Variants in GLRA2 observed in about 807,000 individuals in gnomAD.
GLRA2 encodes the protein glycine receptor alpha 2, also known as glycine receptor subunit alpha-2.
Under a neutral mutation model 31.6 loss-of-function variants are expected in GLRA2, and 11 were observed. The observed-to-expected ratio is 0.35, with a 90% CI of 0.22 to 0.58. The LOEUF is 0.58. Among genes scored for constraint, GLRA2 ranks in the 20% least tolerant of loss-of-function variants. The probability of loss-of-function intolerance (pLI) is 0.84; values close to 1 mark genes in which losing one functional copy is unlikely to be tolerated. For synonymous variants in GLRA2, 132 were observed against 134.0 expected (o/e 0.99, Z 0.10); for missense variants, 212 against 351.8 (o/e 0.60, Z 3.18).
At chrX:14,540,943 G>A (rs1186308474) in intron 2 of GLRA2, among the ~76,000 whole-genome samples, 2 of 108,626 alleles carry the variant, frequency 1.8e-5, no homozygotes, top group Non-Finnish European at 1.9e-5. Context: ...ACAGAGGGGA[G>A]AGAAAGAGAG....
At chrX:14,698,818 C>G (rs977916255) in intron 8 of GLRA2, among the ~76,000 whole-genome samples, 12 of 108,232 alleles carry the variant, frequency 1.1e-4, no homozygotes, top group African/African-American at 4.1e-4. Context: ...AAAACAAGAG[C>G]AGATCATCTC....
the GLRA2 span, among the ~76,000 whole-genome samples, chrX:14,493,652 T>C: frequency 2.1e-5 from 2 of 93,583 alleles, no homozygotes; most frequent in Admixed American, 2.3e-4. Context: ...TATATATACA[T>C]ATGTACACAT....
At chrX:14,558,328 A>C (rs1374333032) in intron 2 of GLRA2, among the ~76,000 whole-genome samples, 2 of 112,281 alleles carry the variant, frequency 1.8e-5, no homozygotes, top group Non-Finnish European at 3.8e-5. Flanking sequence ...CATCAAAGTA[A>C]GCATCATTAT....
At chrX:14,526,693 C>T (rs760290621), upstream of GLRA2, among the ~76,000 whole-genome samples, 17 of 111,665 alleles carry the variant, frequency 1.5e-4, no homozygotes, top group Middle Eastern at 4.7e-3. Context: ...ATCAGAAGTT[C>T]GGTTTTGACA....
At chrX:14,499,422 A>AT in the GLRA2 span, among the ~76,000 whole-genome samples, 1 of 111,044 alleles carries the variant, frequency 9.0e-6, no homozygotes, top group African/African-American at 3.3e-5. Flanking sequence ...AGAAATACCT[A>AT]TTCATGGTAT....
intron 2 of GLRA2, among the ~76,000 whole-genome samples, chrX:14,546,566 C>A (rs140920159): frequency 0.016 from 1,754 of 109,222 alleles, 33 homozygotes; most frequent in African/African-American, 0.055. Context: ...ACTTGTCAAC[C>A]AGCTCTGCAA....
the GLRA2 span, among the ~76,000 whole-genome samples, chrX:14,514,434 A>G: frequency 3.6e-5 from 4 of 111,481 alleles, no homozygotes; most frequent in East Asian, 1.1e-3. Context: ...AAGAAAAGAG[A>G]AAGAAACATT....
At chrX:14,644,159 C>T (rs1451625648) in intron 7 of GLRA2, among the ~76,000 whole-genome samples, 1 of 111,740 alleles carries the variant, frequency 8.9e-6, no homozygotes, top group Admixed American at 9.5e-5. Flanking sequence ...ACACTCCTGA[C>T]CTCCTTTGCC....
intron 7 of GLRA2, among the ~76,000 whole-genome samples, chrX:14,664,916 A>T (rs1379134824): frequency 8.9e-6 from 1 of 111,814 alleles, no homozygotes. Context: ...TATAATTCTC[A>T]GTCAGACACT....
chrX:14,646,387 A>G (rs914822670), intron 7 of GLRA2, among the ~76,000 whole-genome samples: 2 of 111,970 alleles, frequency 1.8e-5, no homozygotes, highest in Non-Finnish European at 3.8e-5. Context: ...CCTGATTAAT[A>G]TTTTAATTAA....
chrX:14,689,321 T>C (rs1170452099), intron 7 of GLRA2, among the ~76,000 whole-genome samples: 1 of 112,468 alleles, frequency 8.9e-6, no homozygotes, highest in Non-Finnish European at 1.9e-5. Context: ...AGATAGAAAA[T>C]AACCTATATG....
chrX:14,607,277 C>CCT lies in GLRA2; in HGVS notation c.715+9_715+10insCT. 1 of 981,288 alleles carries CCT rather than the reference C, an allele frequency of 1.0e-6. No individual in the cohort carries two copies. The highest frequency in any genetic ancestry group is 1.4e-6 in the Non-Finnish European group (1 of 734,384). 80.9% of individuals were successfully genotyped at this position (981,288 alleles called of 1,213,427 possible). ...AAAGCACTACAACACTGGTAAGTTT[C>CCT]TTTTTTTTTTTTTTTCAGCTGTTAA... is the stretch of plus-strand genomic sequence containing the variant. On this transcript the variant is annotated intron_variant, in intron 6 of 8. Transcript: ENST00000218075.
chrX:14,713,558 A>G (rs1044489309), intron 8 of GLRA2, among the ~76,000 whole-genome samples: 3 of 112,379 alleles, frequency 2.7e-5, no homozygotes, highest in Non-Finnish European at 5.6e-5. Context: ...AAAGCCAAAC[A>G]ACTATTTTTA....
intron 7 of GLRA2, among the ~76,000 whole-genome samples, chrX:14,614,377 G>C (rs2090432728): frequency 1.8e-5 from 2 of 111,183 alleles, no homozygotes; most frequent in African/African-American, 6.5e-5. Context: ...TGTATTCTCT[G>C]GGTGATGTCT....
intron 4 of GLRA2, among the ~76,000 whole-genome samples, chrX:14,587,281 C>G (rs147160779): frequency 8.9e-6 from 1 of 111,817 alleles, no homozygotes; most frequent in African/African-American, 3.3e-5. Context: ...TTTTGTAGAA[C>G]AATTTATTTT....
intron 2 of GLRA2, among the ~76,000 whole-genome samples, chrX:14,569,437 C>G (rs1878256202): frequency 9.0e-6 from 1 of 111,521 alleles, no homozygotes; most frequent in East Asian, 2.8e-4. Context: ...ATACCCAATT[C>G]AAAAATGGGT....
intron 4 of GLRA2, among the ~76,000 whole-genome samples, chrX:14,582,379 C>T (rs1207235773): frequency 9.1e-6 from 1 of 109,356 alleles, no homozygotes; most frequent in Non-Finnish European, 1.9e-5. Flanking sequence ...ATCCATGTCC[C>T]TACAGAGGAC....
chrX:14,568,845 A>G (rs1416601900), intron 2 of GLRA2, among the ~76,000 whole-genome samples: 2 of 112,367 alleles, frequency 1.8e-5, no homozygotes, highest in Non-Finnish European at 3.8e-5. Flanking sequence ...TTAAAACCAA[A>G]AAGCTGCTTT....
At chrX:14,522,321 A>G in the GLRA2 span, among the ~76,000 whole-genome samples, 3 of 112,104 alleles carry the variant, frequency 2.7e-5, no homozygotes, top group Non-Finnish European at 5.6e-5. Context: ...ATTCAGTGAC[A>G]TCTTCAGGAT....
Sources: allele counts gnomAD v4.1 joint callset (sites outside exome capture counted in the v4.1 genomes callset), GRCh38; gene constraint gnomAD v4.1.1; transcripts MANE v1.5; gene names NCBI Gene and HGNC (gene_info 2026-07-23, HGNC 2026-07-21).